The following ANKDD1A variants were observed in gnomAD, a reference collection of about 807,000 sequenced individuals.
ANKDD1A encodes ankyrin repeat and death domain-containing protein 1A.
ANKDD1A carries 59 observed loss-of-function variants against 63.5 expected under a neutral mutation model. That is an observed-to-expected ratio of 0.93 (90% CI 0.75 to 1.15). The LOEUF (loss-of-function observed/expected upper bound fraction) is 1.15, where lower values mean the gene tolerates loss of function less well. Ranked by LOEUF, ANKDD1A falls within the 50% of genes most tolerant of loss-of-function variation. The pLI is 0.00. For missense variants in ANKDD1A, 632 were observed against 656.4 expected, an observed-to-expected ratio of 0.96 and a Z score of 0.41; for synonymous variants, 266 against 263.9, an observed-to-expected ratio of 1.01 and a Z score of -0.08.
rs757398913 is a variant in ANKDD1A, at chr15:64,953,074, TTTC to T, written c.1483+3112_1483+3114del. On this transcript the variant is annotated intron_variant, in intron 14 of 14. Transcript: ENST00000319580. Reference sequence around the variant, plus strand: ...TCTCTTTTTTCTTCCTCTTTCCTTCTTTCTTCTTCTTCCTTCTTATACTTTCTT... The same window carrying T: ...TCTCTTTTTTCTTCCTCTTTCCTTCTTTCTTCTTCCTTCTTATACTTTCTT... 3.8e-4 allele frequency among the ~76,000 whole-genome samples: 57 copies of T among 148,476 alleles called. 1 individual carries two copies. Among genetic ancestry groups the T allele is most frequent in the South Asian group, 1.1e-3 (5 of 4,754 alleles).
At chr15:64,948,231 C>T (rs2085239260) in intron 13 of ANKDD1A, among the ~76,000 whole-genome samples, 1 of 152,092 alleles carries the variant, frequency 6.6e-6, no homozygotes, top group Admixed American at 6.6e-5. Context: ...AAGACAAATA[C>T]AGATGACACA....
intron 4 of ANKDD1A, among the ~76,000 whole-genome samples, chr15:64,925,217 G>C (rs2140368667): frequency 8.4e-6 from 1 of 118,444 alleles, no homozygotes; most frequent in Admixed American, 1.1e-4. Flanking sequence ...GACAGAGTGA[G>C]ACTCCGACTC....
intron 9 of ANKDD1A, among the ~76,000 whole-genome samples, chr15:64,934,868 A>G (rs2140374240): frequency 6.6e-6 from 1 of 151,838 alleles, no homozygotes; most frequent in East Asian, 1.9e-4. Flanking sequence ...TGTCCACTTA[A>G]TTGTTAATCT....
At chr15:64,951,564 C>CTGCTGTTTCTTTT in intron 14 of ANKDD1A, 1 of 122,790 alleles carries the variant, frequency 8.1e-6, no homozygotes, top group East Asian at 2.4e-4. Context: ...CTTTCTTTTT[C>CTGCTGTTTCTTTT]TTTTCTTTCT....
intron 14 of ANKDD1A, among the ~76,000 whole-genome samples, chr15:64,956,436 G>A (rs1323275192): frequency 2.0e-5 from 3 of 152,026 alleles, no homozygotes; most frequent in South Asian, 2.1e-4. Context: ...GTAGTCAGTC[G>A]CAGCTACCTG....
At position 64,953,693 on chromosome 15, in the gene ANKDD1A, T is replaced by TTTTCC. The variant is rs2085355942; in HGVS notation, c.1484-3409_1484-3408insTTCCT. ...CTCCTTCTTTTCTTCTCCTTCTCCC[T>TTTTCC]TCTTCTTTCTTCTTCTCCTTGTTCT... On this transcript the variant is annotated intron_variant, in intron 14 of 14. Transcript: ENST00000319580. Among the ~76,000 whole-genome samples, 129 of 49,466 alleles carry TTTTCC rather than the reference T, an allele frequency of 2.6e-3. 1 individual carries two copies. The South Asian group carries it at 0.034, about 13-fold the overall frequency. 32.5% of individuals were successfully genotyped at this position (49,466 alleles called of 152,430 possible).
At chr15:64,952,417 T>C (rs1449508553) in intron 14 of ANKDD1A, among the ~76,000 whole-genome samples, 32 of 4,680 alleles carry the variant, frequency 6.8e-3, no homozygotes, top group Non-Finnish European at 0.015. Flanking sequence ...TTCTTCTCCT[T>C]CTTAGTTTTC....
At chr15:64,928,706 A>AG (rs2085065839) in intron 6 of ANKDD1A, among the ~76,000 whole-genome samples, 1 of 152,200 alleles carries the variant, frequency 6.6e-6, no homozygotes, top group South Asian at 2.1e-4. Flanking sequence ...TCCACTTGGA[A>AG]GGGCAAAGTT....
intron 14 of ANKDD1A, chr15:64,950,427 TC>T: frequency 3.0e-6 from 3 of 985,404 alleles, no homozygotes; most frequent in Non-Finnish European, 3.6e-6. Flanking sequence ...AGTATGCCAA[TC>T]TCAAAAGCCT....
Position 64,949,945 on chromosome 15 carries a change from G to T in ANKDD1A, c.1456G>T (p.Val486Leu). ...CAGCAAAGCGCTGTTCGAGGGCCTC[G>T]TGGCCATTGGCAGGAGGGACCTGGC... ...NPSKALFEGL[V>L]AIGRRDLAGW... Residue 486 changes from valine to leucine, a missense_variant, in exon 14 of 15, where the codon GTG becomes TTG. Transcript: ENST00000319580. 6.2e-7 allele frequency: 1 copy of T among 1,610,098 alleles called. No individual in the cohort carries two copies.
At chr15:64,953,630 C>CTTAGTTCTT (rs1467278506) in intron 14 of ANKDD1A, among the ~76,000 whole-genome samples, 2 of 20,726 alleles carry the variant, frequency 9.6e-5, no homozygotes, top group East Asian at 6.2e-3. Flanking sequence ...TCTTCTTCTT[C>CTTAGTTCTT]CTTCTTCTTC....
At position 64,943,972 on chromosome 15, in the gene ANKDD1A, C is replaced by T. The variant is rs139227937; in HGVS notation, c.1065+390C>T. ...GCTTCCCAGCTCATTAGCACAGCTA[C>T]GTCCACAGGTGCTAGTGGTCTCAGA... is the stretch of plus-strand genomic sequence containing the variant. On this transcript the variant is annotated intron_variant, in intron 11 of 14. Transcript: ENST00000319580. 1.2e-4 allele frequency among the ~76,000 whole-genome samples: 19 copies of T among 152,338 alleles called. No homozygotes were observed. In the East Asian group the frequency reaches 2.9e-3, roughly 23 times the overall value.
At chr15:64,925,871 C>T (rs7169274) in intron 4 of ANKDD1A, among the ~76,000 whole-genome samples, 195 bp from the exon 5 acceptor site, 3,410 of 152,092 alleles carry the variant, frequency 0.022, 142 homozygotes, top group African/African-American at 0.078. Context: ...TTTGGCATCC[C>T]GACTCCTGCC....
At position 64,958,647 on chromosome 15, in the gene ANKDD1A, A is replaced by G. The variant is rs1156235053; in HGVS notation, c.*1459A>G. The G allele has an allele frequency of 6.6e-6, 1 of 151,900 alleles. No individual in the cohort carries two copies. Among genetic ancestry groups the G allele is most frequent in the East Asian group, 1.9e-4 (1 of 5,192 alleles). The allele number at this position is 151,900 out of a possible 1,614,324, so 9.4% of individuals were successfully genotyped here. A position where few individuals can be genotyped will look rare whatever the true frequency, so the allele number is the denominator to read the frequency against. The stretch of plus-strand genomic sequence containing the variant: ...ATGAATTTTGTAATTTTTTTCTGAG[A>G]AAAAAAAGTTCTTAAATACAATAAA... On this transcript the variant is annotated 3_prime_UTR_variant, in exon 15 of 15. Coordinates refer to ENST00000319580, the MANE Select transcript of ANKDD1A (RefSeq NM_182703.6).
At position 64,913,463 on chromosome 15, in the gene ANKDD1A, G is replaced by T. The variant is rs1037858803; in HGVS notation, c.34+1499G>T. 3.9e-5 allele frequency among the ~76,000 whole-genome samples: 6 copies of T among 152,140 alleles called. 1 individual carries two copies. The highest frequency in any genetic ancestry group is 5.9e-5 in the Non-Finnish European group (4 of 68,032). On this transcript the variant is annotated intron_variant, in intron 1 of 14. Transcript: ENST00000319580. ...TATGTGCCAGACACTGTGCCAGGGG[G>T]TTTTCATATCTCATTTCTAATCATG...
chr15:64,954,711 T>TCC (rs1566919046), intron 14 of ANKDD1A, among the ~76,000 whole-genome samples: 2 of 95,872 alleles, frequency 2.1e-5, no homozygotes, highest in East Asian at 1.0e-3. Flanking sequence ...CTCCTTCTTC[T>TCC]TCTCCTTCTC....
chr15:64,953,909 TTC>T (rs1412381211), intron 14 of ANKDD1A, among the ~76,000 whole-genome samples: 36 of 2,856 alleles, frequency 0.013, no homozygotes, highest in Admixed American at 0.018. Flanking sequence ...TTCTTCCCTC[TTC>T]TTTCTTCTCT....
chr15:64,918,262 T>A (rs1263676610), intron 3 of ANKDD1A, among the ~76,000 whole-genome samples: 1 of 152,200 alleles, frequency 6.6e-6, no homozygotes, highest in Admixed American at 6.5e-5. Flanking sequence ...TAGATAAAAA[T>A]TTTAAAATAA....
chr15:64,941,751 GA>G (rs2085186158), intron 9 of ANKDD1A, among the ~76,000 whole-genome samples: 1 of 152,180 alleles, frequency 6.6e-6, no homozygotes, highest in Non-Finnish European at 1.5e-5. Flanking sequence ...ATCACCTAGA[GA>G]GGGGGGAGTA....
Sources: allele counts gnomAD v4.1 joint callset (sites outside exome capture counted in the v4.1 genomes callset), GRCh38; gene constraint gnomAD v4.1.1; transcripts MANE v1.5; gene names NCBI Gene and HGNC (gene_info 2026-07-23, HGNC 2026-07-21).